PBRM1: variants seen among roughly 807,000 people sequenced by gnomAD.
The protein encoded by PBRM1 is protein polybromo-1.
In PBRM1, 27 loss-of-function variants were observed where a neutral mutation model predicts 194.5. The ratio of observed to expected loss-of-function variants is 0.14; its 90% CI spans 0.10 to 0.19. The LOEUF (loss-of-function observed/expected upper bound fraction) is 0.19. PBRM1 is among the 10% of genes least tolerant of loss of function. The pLI is 1.00. For missense variants in PBRM1, 1,466 were observed against 2,077.2 expected (o/e 0.71, Z 5.72); for synonymous variants, 655 against 693.2 (o/e 0.94, Z 0.87).
intron 27 of PBRM1, among the ~76,000 whole-genome samples, chr3:52,554,433 C>T (rs1317875796): frequency 6.6e-6 from 1 of 152,210 alleles, no homozygotes; most frequent in African/African-American, 2.4e-5. Flanking sequence ...AAGGACATGT[C>T]AAATTAGTTG....
chr3:52,561,792 C>T, exon 25 of PBRM1: 1 of 1,614,114 alleles, frequency 6.2e-7, no homozygotes. Context: ...TCTTGGCTGT[C>T]TCAAGATTTC....
chr3:52,685,252 C>G (rs904854577), intron 1 of PBRM1, among the ~76,000 whole-genome samples: 1 of 152,122 alleles, frequency 6.6e-6, no homozygotes, highest in African/African-American at 2.4e-5. Context: ...CCCAAAATCC[C>G]GGATTCTTTG....
intron 13 of PBRM1, among the ~76,000 whole-genome samples, chr3:52,618,487 CG>C (rs2095090956): frequency 6.6e-6 from 1 of 151,886 alleles, no homozygotes; most frequent in African/African-American, 2.4e-5. Flanking sequence ...ACTCAGGGCA[CG>C]GCTAAAGAAA....
At chr3:52,592,291 C>A (rs2093162487) in intron 17 of PBRM1, among the ~76,000 whole-genome samples, 1 of 151,946 alleles carries the variant, frequency 6.6e-6, no homozygotes, top group Admixed American at 6.6e-5. Flanking sequence ...GCCACCACAC[C>A]TGGCTAATTT....
intron 17 of PBRM1, among the ~76,000 whole-genome samples, chr3:52,596,429 T>G (rs2093553185): frequency 1.3e-5 from 1 of 77,434 alleles, no homozygotes; most frequent in South Asian, 5.1e-4. Flanking sequence ...AGAGTGAGAC[T>G]CCGTCTCAAA....
chr3:52,668,380 C>G (rs1014413474), intron 3 of PBRM1, 118 bp downstream of exon 4: 49 of 649,770 alleles, frequency 7.5e-5, no homozygotes, highest in Non-Finnish European at 1.3e-5. Flanking sequence ...AAGACAAATG[C>G]GAACTCAAGC....
intron 22 of PBRM1, among the ~76,000 whole-genome samples, chr3:52,567,448 C>G (rs2153562729): frequency 6.6e-6 from 1 of 151,132 alleles, no homozygotes; most frequent in African/African-American, 2.4e-5. Context: ...AACTGCCTTC[C>G]ATAAAGGGTG....
chr3:52,654,898 CA>C (rs1306382496), intron 5 of PBRM1, among the ~76,000 whole-genome samples: 1 of 151,998 alleles, frequency 6.6e-6, no homozygotes, highest in East Asian at 1.9e-4. Context: ...AGTGATCCTC[CA>C]AACTCAGCCC....
intron 7 of PBRM1, among the ~76,000 whole-genome samples, chr3:52,647,015 G>C (rs2096312394): frequency 6.6e-6 from 1 of 151,860 alleles, no homozygotes; most frequent in Non-Finnish European, 1.5e-5. Flanking sequence ...CATGATAAGG[G>C]TATAATATCC....
intron 5 of PBRM1, among the ~76,000 whole-genome samples, chr3:52,652,776 T>C (rs1022354752): frequency 3.3e-5 from 5 of 151,908 alleles, no homozygotes; most frequent in African/African-American, 9.7e-5. Flanking sequence ...GGCAGCTGGA[T>C]CACTTGAGGT....
rs575304741 is a variant in PBRM1, at chr3:52,625,125, G to A, written c.1541+2148C>T. 5.9e-5 allele frequency among the ~76,000 whole-genome samples: 9 copies of A among 152,276 alleles called. No homozygotes were observed. The South Asian group carries it at 1.7e-3, about 28-fold the overall frequency. ...AGAAAGAATGCACCCCCAGAATGAAGAGAATATACCCACAATCAATTTTTC... is the reference window on the plus strand; with the variant it reads ...AGAAAGAATGCACCCCCAGAATGAAAAGAATATACCCACAATCAATTTTTC... On this transcript the variant is annotated intron_variant, in intron 13 of 29. Transcript: ENST00000296302.
chr3:52,562,044 G>A (rs909639969), intron 24 of PBRM1, 76 bp from the exon 27 acceptor site: 15 of 1,167,598 alleles, frequency 1.3e-5, no homozygotes, highest in South Asian at 6.2e-5. Context: ...GAAGCCAGCC[G>A]GGCGCGGTGG....
exon 27 of PBRM1, chr3:52,554,740 C>G: frequency 6.4e-7 from 1 of 1,557,332 alleles, no homozygotes; most frequent in Non-Finnish European, 8.6e-7. Flanking sequence ...GTGGGATGCC[C>G]GGGAGGCCAG....
In PBRM1 at chr3:52,653,694, G is replaced by A. The variant is rs1469354886; in HGVS notation, c.646-1884C>T. Reference sequence around the variant, plus strand: ...CGGGAGGCCGAGACGGGCAGATCACGAGGTCAGGAGTTCAAGACCAGCCTG... The same window carrying A: ...CGGGAGGCCGAGACGGGCAGATCACAAGGTCAGGAGTTCAAGACCAGCCTG... On this transcript the variant is annotated intron_variant, in intron 5 of 29. Transcript: ENST00000296302. Among the ~76,000 whole-genome samples the A allele has an allele frequency of 5.3e-5, 8 of 151,920 alleles. No individual in the cohort carries two copies. The South Asian group carries it at 6.2e-4, about 12-fold the overall frequency.
chr3:52,628,765 C>A (rs912074259), intron 12 of PBRM1, 129 bp downstream of exon 13: 16 of 848,054 alleles, frequency 1.9e-5, no homozygotes, highest in African/African-American at 1.9e-4. Flanking sequence ...AGCCACCGCA[C>A]CCAGCCAAAT....
chr3:52,672,724 A>C (rs1333427909), intron 2 of PBRM1, among the ~76,000 whole-genome samples: 1 of 151,522 alleles, frequency 6.6e-6, no homozygotes. Flanking sequence ...GAACTCCTGC[A>C]CTCAGGTGAT....
chr3:52,624,780 C>T (rs1243484400), intron 13 of PBRM1, 117 bp downstream of exon 15: 4 of 677,930 alleles, frequency 5.9e-6, no homozygotes, highest in African/African-American at 1.8e-5. Flanking sequence ...AAACTGGCAC[C>T]CCAATAAAGA....
rs957634264 is a variant in PBRM1, at chr3:52,579,319, G to A, written c.3388-120C>T. 1.8e-5 allele frequency: 16 copies of A among 888,396 alleles called. No individual in the cohort carries two copies. The African/African-American group carries it at 2.3e-4, about 13-fold the overall frequency. 55.0% of individuals were successfully genotyped at this position (888,396 alleles called of 1,614,324 possible). The stretch of plus-strand genomic sequence containing the variant: ...AAAAGAAAAAACCACCATTGGTTAC[G>A]TGGCTCACGTAATCCCAGCATTTTG... On this transcript the variant is annotated intron_variant, in intron 20 of 29. Coordinates refer to ENST00000296302, the Ensembl canonical transcript of PBRM1.
intron 22 of PBRM1, among the ~76,000 whole-genome samples, chr3:52,571,709 G>A: frequency 6.6e-6 from 1 of 150,408 alleles, no homozygotes. Context: ...GCTCACTGAT[G>A]GGATACAGAT....
Sources: allele counts gnomAD v4.1 joint callset (sites outside exome capture counted in the v4.1 genomes callset), GRCh38; gene constraint gnomAD v4.1.1; transcripts MANE v1.5; gene names NCBI Gene and HGNC (gene_info 2026-07-23, HGNC 2026-07-21).